The following LYPD6 variants were observed in gnomAD, a reference collection of about 807,000 sequenced individuals.
LYPD6 encodes the protein ly6/PLAUR domain-containing protein 6.
In LYPD6, 15 loss-of-function variants were observed where a neutral mutation model predicts 22.7. The ratio of observed to expected loss-of-function variants is 0.66; its 90% confidence interval spans 0.44 to 1.02. LYPD6 has a LOEUF of 1.02. Among genes scored for constraint, LYPD6 ranks in the 50% least tolerant of loss-of-function variants. The pLI, the probability that LYPD6 is intolerant of heterozygous loss-of-function variation, is 0.00. For synonymous variants in LYPD6, 72 were observed against 77.5 expected (o/e 0.93, Z 0.37); for missense variants, 189 against 208.4 (o/e 0.91, Z 0.57).
chr2:149,457,937 A>G (rs1408313289), intron 3 of LYPD6, among the ~76,000 whole-genome samples: 1 of 152,208 alleles, frequency 6.6e-6, no homozygotes, highest in Non-Finnish European at 1.5e-5. Context: ...TAAAGAAGTC[A>G]ACATCCTGCA....
intron 1 of LYPD6, among the ~76,000 whole-genome samples, chr2:149,407,772 G>A (rs1682755115): frequency 6.6e-6 from 1 of 152,178 alleles, no homozygotes; most frequent in Non-Finnish European, 1.5e-5. Flanking sequence ...TGCATTGCTG[G>A]TGAGGAACTG....
chr2:149,401,176 G>A (rs898220561), intron 1 of LYPD6, among the ~76,000 whole-genome samples: 3 of 151,948 alleles, frequency 2.0e-5, no homozygotes, highest in African/African-American at 4.8e-5. Context: ...TTCCACTTAC[G>A]TCTCATTGAT....
chr2:149,406,515 G>A (rs1004107622), intron 1 of LYPD6, among the ~76,000 whole-genome samples: 1 of 152,072 alleles, frequency 6.6e-6, no homozygotes, highest in African/African-American at 2.4e-5. Context: ...TTTGATCTTT[G>A]TTGGTTTAAA....
intron 1 of LYPD6, among the ~76,000 whole-genome samples, chr2:149,412,949 G>A (rs1682884584): frequency 1.3e-5 from 2 of 152,068 alleles, no homozygotes; most frequent in Admixed American, 6.5e-5. Flanking sequence ...GAAGCCCAGA[G>A]CTGAATTTTA....
At chr2:149,453,148 C>T (rs1314773072) in intron 3 of LYPD6, among the ~76,000 whole-genome samples, 1 of 152,154 alleles carries the variant, frequency 6.6e-6, no homozygotes, top group African/African-American at 2.4e-5. Flanking sequence ...TAAATCTGTT[C>T]AATTTTCTTG....
At chr2:149,385,529 T>G (rs1178624273) in intron 1 of LYPD6, among the ~76,000 whole-genome samples, 1 of 152,208 alleles carries the variant, frequency 6.6e-6, no homozygotes, top group Non-Finnish European at 1.5e-5. Flanking sequence ...TTCAGGGACT[T>G]AGCTGGTCTC....
chr2:149,426,005 A>G (rs1362380100), intron 1 of LYPD6, among the ~76,000 whole-genome samples: 2 of 152,252 alleles, frequency 1.3e-5, no homozygotes, highest in African/African-American at 4.8e-5. Context: ...TTTTTAAAAC[A>G]TTCATTATCA....
At chr2:149,347,418 T>C (rs1469366158) in intron 1 of LYPD6, among the ~76,000 whole-genome samples, 1 of 152,134 alleles carries the variant, frequency 6.6e-6, no homozygotes, top group Admixed American at 6.5e-5. Flanking sequence ...AGGCTCCTCA[T>C]CTCTCTCTGG....
intron 2 of LYPD6, 94 bp from the exon 3 acceptor site, chr2:149,448,955 G>A: frequency 1.0e-6 from 1 of 990,390 alleles, no homozygotes; most frequent in South Asian, 1.7e-5. Flanking sequence ...GTTGTCTTGA[G>A]AATCCTTTCT....
chr2:149,390,124 C>T (rs1264088914), intron 1 of LYPD6, among the ~76,000 whole-genome samples: 3 of 152,148 alleles, frequency 2.0e-5, no homozygotes, highest in Admixed American at 6.5e-5. Flanking sequence ...GTAGTTCATT[C>T]GTATTTTGGA....
intron 1 of LYPD6, among the ~76,000 whole-genome samples, chr2:149,404,052 C>G (rs999355055): frequency 5.3e-5 from 8 of 151,896 alleles, no homozygotes; most frequent in African/African-American, 1.9e-4. Context: ...TAGATATGCG[C>G]CATTATTTCT....
chr2:149,441,736 A>C (rs1175819406), intron 2 of LYPD6, among the ~76,000 whole-genome samples: 1 of 152,222 alleles, frequency 6.6e-6, no homozygotes, highest in Non-Finnish European at 1.5e-5. Flanking sequence ...AAGAGTTACT[A>C]TTAAGAGAAA....
chr2:149,458,929 A>G (rs1037939146), intron 3 of LYPD6, among the ~76,000 whole-genome samples: 21 of 152,228 alleles, frequency 1.4e-4, no homozygotes, highest in Admixed American at 9.8e-4. Flanking sequence ...AGAAACCTCT[A>G]CAGAGCCTCA....
intron 1 of LYPD6, among the ~76,000 whole-genome samples, chr2:149,422,804 C>T (rs1419693316): frequency 2.0e-5 from 3 of 152,126 alleles, no homozygotes; most frequent in African/African-American, 7.2e-5. Context: ...TACTCTTCCT[C>T]TGTGAGTTCA....
chr2:149,462,401 C>T (rs1225721103), intron 3 of LYPD6, among the ~76,000 whole-genome samples: 1 of 151,324 alleles, frequency 6.6e-6, no homozygotes, highest in Admixed American at 6.6e-5. Context: ...AATTATGAAA[C>T]GTCAATGAAA....
intron 3 of LYPD6, among the ~76,000 whole-genome samples, chr2:149,451,299 C>T (rs1353210478): frequency 6.6e-6 from 1 of 152,144 alleles, no homozygotes; most frequent in Non-Finnish European, 1.5e-5. Flanking sequence ...GGGTCCTAAT[C>T]CCATTCTTGA....
intron 1 of LYPD6, among the ~76,000 whole-genome samples, chr2:149,346,887 G>A (rs1003333071): frequency 1.3e-5 from 2 of 152,164 alleles, no homozygotes; most frequent in African/African-American, 4.8e-5. Context: ...TTTTAGTAGA[G>A]ACGGGGTTTC....
At chr2:149,437,553 C>G (rs928321768) in intron 1 of LYPD6, 85 bp from the exon 2 acceptor site, 2 of 1,173,012 alleles carry the variant, frequency 1.7e-6, no homozygotes, top group Admixed American at 2.4e-5. Context: ...GCTCTCCATC[C>G]CATCTTACCA....
At chr2:149,457,779 ATTAT>A (rs1400248820) in intron 3 of LYPD6, among the ~76,000 whole-genome samples, 1 of 152,218 alleles carries the variant, frequency 6.6e-6, no homozygotes, top group African/African-American at 2.4e-5. Context: ...AATTCTGAAC[ATTAT>A]TTATTAAAAA....
Sources: allele counts gnomAD v4.1 joint callset (sites outside exome capture counted in the v4.1 genomes callset), GRCh38; gene constraint gnomAD v4.1.1; transcripts MANE v1.5; gene names NCBI Gene and HGNC (gene_info 2026-07-23, HGNC 2026-07-21).